ZNF506: variants seen among roughly 807,000 people sequenced by gnomAD.
ZNF506 encodes the protein zinc finger protein 506.
A neutral mutation model predicts 11.6 loss-of-function variants in ZNF506; 10 were observed. The observed-to-expected ratio is 0.86, with a 90% CI of 0.53 to 1.46. The LOEUF (loss-of-function observed/expected upper bound fraction) is 1.46, where lower values mean the gene tolerates loss of function less well. ZNF506 is among the 40% of genes most tolerant of loss of function. The pLI, the probability that ZNF506 is intolerant of heterozygous loss-of-function variation, is 0.00. For missense variants in ZNF506, 425 were observed against 521.2 expected, an observed-to-expected ratio of 0.82 and a Z score of 1.80; for synonymous variants, 156 against 173.3, an observed-to-expected ratio of 0.90 and a Z score of 0.78.
At chr19:19,803,009 T>C (rs1261628016) in intron 3 of ZNF506, among the ~76,000 whole-genome samples, 5 of 152,152 alleles carry the variant, frequency 3.3e-5, no homozygotes, top group Non-Finnish European at 7.3e-5. Flanking sequence ...ATCTCCAAAA[T>C]AAGTGCCTGT....
chr19:19,821,585 G>C lies in ZNF506; in HGVS notation c.3+16C>G. The C allele has an allele frequency of 6.2e-7, 1 of 1,613,996 alleles. No individual in the cohort carries two copies. Among genetic ancestry groups the C allele is most frequent in the Middle Eastern group, 1.6e-4 (1 of 6,062 alleles). On this transcript the variant is annotated intron_variant, in intron 1 of 3. Coordinates refer to ENST00000540806, the MANE Select transcript of ZNF506 (RefSeq NM_001099269.3). ...GCCCCTCTCCCTCTCTCGGGATGTC[G>C]AACTGGCACTCTCACCATTTCTAGG...
At position 19,794,846 on chromosome 19, in the gene ZNF506, G is replaced by C; in HGVS notation, c.1041C>G (p.Gly347=). The C allele has an allele frequency of 6.2e-7, 1 of 1,613,526 alleles. No individual in the cohort carries two copies. The highest frequency in any genetic ancestry group is 8.5e-7 in the Non-Finnish European group (1 of 1,179,926). ...GDVPYKCDEC[G]KTFTWYSSLS... ...GGCTTGAGTACCAGGTAAAGGTTTT[G>C]CCACATTCGTCACATTTGTAGGGTA... The change falls in exon 4 of 4, where the codon GGC becomes GGG. Residue 347 remains glycine (G), a synonymous_variant. Coordinates refer to ENST00000540806, the MANE Select transcript of ZNF506 (RefSeq NM_001099269.3).
intron 3 of ZNF506, among the ~76,000 whole-genome samples, chr19:19,801,749 C>A (rs2062795289): frequency 6.6e-6 from 1 of 151,714 alleles, no homozygotes; most frequent in Admixed American, 6.6e-5. Context: ...CGAGATCGCA[C>A]CACTGCAATC....
At position 19,793,551 on chromosome 19, in the gene ZNF506, C is replaced by T. The variant is rs564344368; in HGVS notation, c.*1001G>A. Among the ~76,000 whole-genome samples, 1 of 152,232 alleles carries T rather than the reference C, an allele frequency of 6.6e-6. No homozygotes were observed. The highest frequency in any genetic ancestry group is 2.1e-4 in the South Asian group (1 of 4,824). ...TGTGATACAAGTAAAGGTACTACAA[C>T]CCCCCCTTATATTTGTAATAGCTGA... On this transcript the variant is annotated 3_prime_UTR_variant, in exon 4 of 4. Transcript: ENST00000540806.
chr19:19,799,656 C>G (rs898075335), intron 3 of ZNF506, among the ~76,000 whole-genome samples: 2 of 151,946 alleles, frequency 1.3e-5, no homozygotes, highest in African/African-American at 4.8e-5. Context: ...TGCCTGTTAC[C>G]CCAGCACTTT....
chr19:19,793,323 ATTT>A lies in ZNF506; in HGVS notation c.*1226_*1228del, dbSNP rs1234028549. ...ACGTAAAATCAATTTTGAATTAAATATTTTTTTCATATTTACATCTGCAAAAAT... is the reference window on the plus strand; with the variant it reads ...ACGTAAAATCAATTTTGAATTAAATATTTTCATATTTACATCTGCAAAAAT... On this transcript the variant is annotated 3_prime_UTR_variant, in exon 4 of 4. Coordinates refer to ENST00000540806, the MANE Select transcript of ZNF506 (RefSeq NM_001099269.3). Among the ~76,000 whole-genome samples, 1 of 152,020 alleles carries A rather than the reference ATTT, an allele frequency of 6.6e-6. No individual in the cohort carries two copies. Among genetic ancestry groups the A allele is most frequent in the Non-Finnish European group, 1.5e-5 (1 of 68,014 alleles).
At chr19:19,819,862 G>C (rs1030303215) in intron 1 of ZNF506, among the ~76,000 whole-genome samples, 25 of 152,170 alleles carry the variant, frequency 1.6e-4, no homozygotes, top group Non-Finnish European at 3.2e-4. Context: ...ACTTTGGAAG[G>C]CTGAGACGGG....
rs1387471787 is a variant in ZNF506 at position 19,795,444 on chromosome 19, T to A, written c.443A>T (p.Asp148Val). 1.3e-6 allele frequency: 2 copies of A among 1,596,878 alleles called. No individual in the cohort carries two copies. Among genetic ancestry groups the A allele is most frequent in the Middle Eastern group, 3.4e-4 (2 of 5,944 alleles). ...ATTQRKIFQC[D>V]EYVKFLHKFS... ...TTTATGCAAGAATTTCACATATTCA[T>A]CACATTGAAATATTTTTCTCTGGGT... The change falls in exon 4 of 4, where the codon GAT (aspartate) becomes GTT (valine). Residue 148 changes from aspartate to valine, a missense_variant. This residue lies in a region of ZNF506 where 226 missense variants were observed against 279.1 expected (regional missense o/e 0.81). Transcript: ENST00000540806.
chr19:19,812,638 CTT>C (rs1209984445), intron 1 of ZNF506, among the ~76,000 whole-genome samples: 2 of 152,158 alleles, frequency 1.3e-5, no homozygotes, highest in African/African-American at 4.8e-5. Context: ...CAGAAAATGC[CTT>C]TTGTTAGTTT....
chr19:19,792,730 TTAA>T lies in ZNF506; in HGVS notation c.*1819_*1821del, dbSNP rs1272889422. ...AACCCCCACTTTTTAAAAATCTTTATTAATAAAGTAATTCATTATAATTTTTGA... is the reference window on the plus strand; with the variant it reads ...AACCCCCACTTTTTAAAAATCTTTATTAAAGTAATTCATTATAATTTTTGA... On this transcript the variant is annotated 3_prime_UTR_variant, in exon 4 of 4. Coordinates refer to ENST00000540806, the MANE Select transcript of ZNF506 (RefSeq NM_001099269.3). Among the ~76,000 whole-genome samples the T allele has an allele frequency of 3.5e-5, 5 of 144,808 alleles. No homozygotes were observed. The highest frequency in any genetic ancestry group is 1.3e-4 in the African/African-American group (5 of 38,704). 95.0% of individuals were successfully genotyped at this position (144,808 alleles called of 152,430 possible).
At position 19,795,415 on chromosome 19, in the gene ZNF506, A is replaced by C. The variant is rs747826410; in HGVS notation, c.472T>G (p.Ser158Ala). The change falls in exon 4 of 4, where the codon TCA (serine) becomes GCA (alanine). Residue 158 changes from serine (S) to alanine (A), a missense_variant. Transcript: ENST00000540806. ...DEYVKFLHKF[S>A]NSNKHKIRDT... ...CTTATCTTATGTTTGTTTGAATTTG[A>C]AAATTTATGCAAGAATTTCACATAT... is the stretch of plus-strand genomic sequence containing the variant. The C allele has an allele frequency of 4.3e-5, 69 of 1,593,836 alleles. No individual in the cohort carries two copies. The highest frequency in any genetic ancestry group is 1.7e-4 in the Middle Eastern group (1 of 5,946).
intron 2 of ZNF506, 123 bp downstream of exon 2, chr19:19,806,819 T>C: frequency 1.8e-5 from 22 of 1,218,298 alleles, no homozygotes; most frequent in Non-Finnish European, 2.4e-5. Context: ...TGAAGATTTT[T>C]CTGGAAAAAG....
rs1310935284 is a variant in ZNF506 at position 19,794,303 on chromosome 19, T to G, written c.*249A>C. ...CCAGCCTGGGTGACAAGAGTGAAAC[T>G]CCATCTCAAAAAACAAAAAGAGTTG... On this transcript the variant is annotated 3_prime_UTR_variant, in exon 4 of 4. Coordinates refer to ENST00000540806, the MANE Select transcript of ZNF506 (RefSeq NM_001099269.3). 1 of 334,852 alleles carries G rather than the reference T, an allele frequency of 3.0e-6. No homozygotes were observed. The highest frequency in any genetic ancestry group is 5.4e-6 in the Non-Finnish European group (1 of 185,304). The allele number at this position is 334,852 out of a possible 1,614,324, so 20.7% of individuals were successfully genotyped here.
At chr19:19,819,478 G>A (rs1428756812) in intron 1 of ZNF506, among the ~76,000 whole-genome samples, 2 of 152,034 alleles carry the variant, frequency 1.3e-5, no homozygotes. Context: ...GTAGTCCTAT[G>A]GGAGAAAATG....
chr19:19,808,843 C>CAAAAAAA (rs35282430), intron 1 of ZNF506, among the ~76,000 whole-genome samples: 6 of 82,700 alleles, frequency 7.3e-5, no homozygotes, highest in East Asian at 3.1e-4. Context: ...GACTCTGTCT[C>CAAAAAAA]AAAAAAAAAA....
At position 19,819,870 on chromosome 19, in the gene ZNF506, G is replaced by A. The variant is rs950613755; in HGVS notation, c.3+1731C>T. Among the ~76,000 whole-genome samples the A allele has an allele frequency of 1.4e-4, 21 of 152,266 alleles. 1 individual carries two copies. The highest frequency in any genetic ancestry group is 2.4e-4 in the Non-Finnish European group (16 of 68,012). ...TCCCAGCACTTTGGAAGGCTGAGAC[G>A]GGCGGATCACGAGGTCAAGAGATAG... On this transcript the variant is annotated intron_variant, in intron 1 of 3. Coordinates refer to ENST00000540806, the MANE Select transcript of ZNF506 (RefSeq NM_001099269.3).
chr19:19,800,391 A>AATATATATATATATATATTTATATAT (rs1555771287), intron 3 of ZNF506, among the ~76,000 whole-genome samples: 32 of 139,236 alleles, frequency 2.3e-4, no homozygotes, highest in East Asian at 7.1e-4. Context: ...AACTAAACAG[A>AATATATATATATATATATTTATATAT]ATATATATAT....
chr19:19,818,798 T>G (rs2062950923), intron 1 of ZNF506, among the ~76,000 whole-genome samples: 1 of 151,982 alleles, frequency 6.6e-6, no homozygotes, highest in Admixed American at 6.6e-5. Flanking sequence ...AGAACAGAAG[T>G]TTGAAGCCAG....
chr19:19,809,852 T>C (rs879301617), intron 1 of ZNF506, among the ~76,000 whole-genome samples: 9 of 152,184 alleles, frequency 5.9e-5, no homozygotes, highest in Non-Finnish European at 1.2e-4. Flanking sequence ...TGAATGTATT[T>C]TGAAGCCCTC....
Sources: allele counts gnomAD v4.1 joint callset (sites outside exome capture counted in the v4.1 genomes callset), GRCh38; gene constraint gnomAD v4.1.1; regional missense constraint gnomAD v4.1.1; transcripts MANE v1.5; gene names NCBI Gene and HGNC (gene_info 2026-07-23, HGNC 2026-07-21).